The following RYR2 variants were observed in gnomAD, a reference collection of about 807,000 sequenced individuals.
RYR2 encodes cardiac muscle ryanodine receptor-calcium release channel.
RYR2 carries 227 observed loss-of-function variants against 601.1 expected under a neutral mutation model. That is an observed-to-expected ratio of 0.38 (90% CI 0.34 to 0.42). The LOEUF is 0.42. Among genes scored for constraint, RYR2 ranks in the 10% least tolerant of loss-of-function variants. The pLI is 1.00. For synonymous variants in RYR2, 2,223 were observed against 2,175.1 expected (o/e 1.02, Z -0.61); for missense variants, 4,646 against 6,156.5 (o/e 0.75, Z 8.21).
At chr1:237,776,251 G>GT (rs1694649859) in intron 87 of RYR2, among the ~76,000 whole-genome samples, 1 of 152,132 alleles carries the variant, frequency 6.6e-6, no homozygotes, top group Admixed American at 6.6e-5. Context: ...AACCAGAGCT[G>GT]TAATAGCCAG....
intron 8 of RYR2, among the ~76,000 whole-genome samples, chr1:237,380,753 C>T (rs1054995821): frequency 6.6e-5 from 10 of 151,512 alleles, no homozygotes; most frequent in Non-Finnish European, 1.3e-4. Flanking sequence ...ACCAGCATAG[C>T]CAAAAAGCAA....
chr1:237,506,994 G>C (rs1306139109), intron 23 of RYR2, among the ~76,000 whole-genome samples, 180 bp downstream of exon 23: 1 of 152,178 alleles, frequency 6.6e-6, no homozygotes, highest in Non-Finnish European at 1.5e-5. Flanking sequence ...TAATGGGGCT[G>C]ACAGGCATTA....
At chr1:237,556,331 G>T (rs755525877) in intron 27 of RYR2, among the ~76,000 whole-genome samples, 4 of 149,574 alleles carry the variant, frequency 2.7e-5, no homozygotes, top group Non-Finnish European at 5.9e-5. Flanking sequence ...ATAGAATCTC[G>T]CTCTGTCCCC....
At chr1:237,311,952 CAT>C (rs1366740306) in intron 2 of RYR2, among the ~76,000 whole-genome samples, 1 of 152,152 alleles carries the variant, frequency 6.6e-6, no homozygotes, top group Non-Finnish European at 1.5e-5. Context: ...TCTTAAAAAA[CAT>C]GTGGACAACA....
intron 27 of RYR2, among the ~76,000 whole-genome samples, chr1:237,555,373 A>G (rs1670778952): frequency 1.3e-5 from 2 of 152,066 alleles, no homozygotes; most frequent in Admixed American, 1.3e-4. Flanking sequence ...GCATCCCTAG[A>G]GGATGTAGGT....
intron 17 of RYR2, among the ~76,000 whole-genome samples, chr1:237,470,897 C>T (rs1286988689): frequency 6.6e-6 from 1 of 151,394 alleles, no homozygotes; most frequent in Admixed American, 6.6e-5. Context: ...AGAGGAGAGA[C>T]AGAGAGAGAG....
At chr1:237,252,255 C>T (rs1001557939) in intron 1 of RYR2, among the ~76,000 whole-genome samples, 1 of 152,068 alleles carries the variant, frequency 6.6e-6, no homozygotes, top group Admixed American at 6.6e-5. Context: ...CTCAACTCAG[C>T]CCACCAGCCC....
At chr1:237,741,938 C>T (rs549880612) in intron 79 of RYR2, among the ~76,000 whole-genome samples, 6 of 152,108 alleles carry the variant, frequency 3.9e-5, no homozygotes, top group South Asian at 2.1e-4. Flanking sequence ...TGCCTGTATT[C>T]GTGCATTGCA....
intron 24 of RYR2, among the ~76,000 whole-genome samples, chr1:237,516,971 C>A (rs116729802): frequency 6.6e-6 from 1 of 152,164 alleles, no homozygotes; most frequent in Non-Finnish European, 1.5e-5. Flanking sequence ...CATACACACA[C>A]GTGCATTCAT....
rs200870464 is a variant in RYR2, at chr1:237,204,789, CCAGA to C, written c.49-65704_49-65701del. On this transcript the variant is annotated intron_variant, in intron 1 of 104. Transcript: ENST00000366574. ...AGTCAGAGGAGATTCAACAAGAAAACCAGACAGTCAACGACTGAGCCCCTGGCAT... is the reference window on the plus strand; with the variant it reads ...AGTCAGAGGAGATTCAACAAGAAAACCAGTCAACGACTGAGCCCCTGGCAT... Among the ~76,000 whole-genome samples the C allele has an allele frequency of 1.1e-3, 162 of 152,298 alleles. 1 individual carries two copies. Among genetic ancestry groups the C allele is most frequent in the East Asian group, 6.0e-3 (31 of 5,180 alleles).
At chr1:237,451,110 T>G (rs1471790736) in intron 14 of RYR2, among the ~76,000 whole-genome samples, 1 of 152,092 alleles carries the variant, frequency 6.6e-6, no homozygotes, top group Non-Finnish European at 1.5e-5. Context: ...GTCCCAAATT[T>G]AGGCTGGGCA....
At chr1:237,332,520 A>G (rs1696849411) in intron 3 of RYR2, among the ~76,000 whole-genome samples, 1 of 152,144 alleles carries the variant, frequency 6.6e-6, no homozygotes, top group Non-Finnish European at 1.5e-5. Flanking sequence ...ACAATTCTCA[A>G]TTTAGTTTCA....
chr1:237,488,677 A>G (rs1662974835), intron 17 of RYR2, among the ~76,000 whole-genome samples: 2 of 152,150 alleles, frequency 1.3e-5, no homozygotes, highest in Admixed American at 1.3e-4. Context: ...CCTAACTGAT[A>G]CATATATTCT....
chr1:237,152,939 A>T (rs1674894318), intron 1 of RYR2, among the ~76,000 whole-genome samples: 1 of 152,204 alleles, frequency 6.6e-6, no homozygotes. Context: ...AGAATTTACA[A>T]GGGACTTGAA....
chr1:237,374,603 A>T, intron 6 of RYR2, 114 bp from the exon 7 acceptor site: 1 of 798,498 alleles, frequency 1.3e-6, no homozygotes, highest in Non-Finnish European at 2.1e-6. Context: ...GGCTGCAGTG[A>T]GCTGTGATCA....
chr1:237,703,643 A>T (rs1030690300), intron 66 of RYR2, among the ~76,000 whole-genome samples: 7 of 148,674 alleles, frequency 4.7e-5, no homozygotes, highest in African/African-American at 1.7e-4. Flanking sequence ...TTATATACAG[A>T]TAGCATTTTA....
chr1:237,496,230 C>T (rs1196170662), intron 19 of RYR2, among the ~76,000 whole-genome samples: 10 of 152,062 alleles, frequency 6.6e-5, no homozygotes, highest in Admixed American at 6.5e-4. Context: ...ATAGCAAGAT[C>T]TCATCTCTAC....
intron 25 of RYR2, among the ~76,000 whole-genome samples, chr1:237,544,923 T>C (rs1213446452): frequency 2.0e-5 from 3 of 152,196 alleles, no homozygotes; most frequent in South Asian, 2.1e-4. Context: ...ATTTTTACTG[T>C]ACAAATGATT....
intron 71 of RYR2, among the ~76,000 whole-genome samples, chr1:237,715,378 A>G (rs187982838): frequency 6.6e-6 from 1 of 152,236 alleles, no homozygotes; most frequent in Non-Finnish European, 1.5e-5. Context: ...TAATTTCCTC[A>G]TATGAACAGT....
Sources: gnomAD v4.1 joint callset for allele counts (sites outside exome capture counted in the v4.1 genomes callset) on GRCh38, gnomAD v4.1.1 for gene constraint, MANE v1.5 for transcripts, NCBI Gene and HGNC (gene_info 2026-07-23, HGNC 2026-07-21) for gene names.